USP42: variants seen among roughly 807,000 people sequenced by gnomAD.
USP42 encodes ubiquitin carboxyl-terminal hydrolase 42.
USP42 carries 23 observed loss-of-function variants against 113.0 expected under a neutral mutation model. The ratio of observed to expected loss-of-function variants is 0.20; its 90% CI spans 0.15 to 0.29. USP42 has a LOEUF of 0.29. Ranked by LOEUF, USP42 falls within the 10% of genes least tolerant of loss-of-function variation. USP42 has a pLI of 1.00. For missense variants in USP42, 2,174 were observed against 1,779.8 expected (o/e 1.22, Z -3.99); for synonymous variants, 933 against 699.0 (o/e 1.33, Z -5.28).
At chr7:6,133,890 T>C (rs1483356675) in intron 3 of USP42, among the ~76,000 whole-genome samples, 1 of 137,708 alleles carries the variant, frequency 7.3e-6, no homozygotes, top group Non-Finnish European at 1.5e-5. Context: ...TGTTTCTTCT[T>C]CTTTTTTTTT....
At chr7:6,145,330 CA>C (rs61495758) in intron 9 of USP42, among the ~76,000 whole-genome samples, 185 bp from the exon 10 acceptor site, 9,589 of 131,712 alleles carry the variant, frequency 0.073, 696 homozygotes, top group East Asian at 0.44. Flanking sequence ...CACGCCATCT[CA>C]AAAAAAAAAA....
At chr7:6,117,554 A>G (rs1779979678) in intron 3 of USP42, among the ~76,000 whole-genome samples, 2 of 152,210 alleles carry the variant, frequency 1.3e-5, no homozygotes, top group African/African-American at 2.4e-5. Context: ...TCTTAGGTAA[A>G]TATCTAGGAG....
intron 2 of USP42, among the ~76,000 whole-genome samples, chr7:6,112,732 AT>A (rs986082145): frequency 8.2e-4 from 124 of 151,186 alleles, no homozygotes; most frequent in Non-Finnish European, 1.6e-3. Context: ...TTTTTTTGAG[AT>A]TTTTTTTTAA....
At chr7:6,124,426 C>T (rs529222754) in intron 3 of USP42, among the ~76,000 whole-genome samples, 5 of 151,864 alleles carry the variant, frequency 3.3e-5, no homozygotes, top group African/African-American at 7.2e-5. Flanking sequence ...CCACCACACC[C>T]GGCTAATTTT....
chr7:6,106,703 T>C (rs1779299703), intron 1 of USP42, among the ~76,000 whole-genome samples: 1 of 151,820 alleles, frequency 6.6e-6, no homozygotes, highest in African/African-American at 2.4e-5. Context: ...TAGGTAGGAC[T>C]ACAGGCACAT....
chr7:6,161,499 C>T lies in USP42; in HGVS notation c.*981C>T, dbSNP rs1465028335. The T allele has an allele frequency of 6.6e-6, 1 of 152,552 alleles. No individual in the cohort carries two copies. The highest frequency in any genetic ancestry group is 1.5e-5 in the Non-Finnish European group (1 of 68,022). The allele number at this position is 152,552 out of a possible 1,614,324, so 9.4% of individuals were successfully genotyped here. ...TTTGTTTTTCTAAAGATTAAAAAAG[C>T]ACTTGCCCCACTGTAAATATACAGC... On this transcript the variant is annotated 3_prime_UTR_variant, in exon 18 of 18. Transcript: ENST00000306177.
At chr7:6,112,536 A>C (rs1245183774) in intron 2 of USP42, among the ~76,000 whole-genome samples, 12 of 152,020 alleles carry the variant, frequency 7.9e-5, no homozygotes, top group Admixed American at 6.6e-4. Flanking sequence ...ATTCGTTAAA[A>C]CTCATCCAGA....
chr7:6,138,615 T>C (rs751372333), intron 4 of USP42, among the ~76,000 whole-genome samples: 18 of 152,210 alleles, frequency 1.2e-4, no homozygotes, highest in Non-Finnish European at 2.4e-4. Context: ...GGCCGTAGAC[T>C]GGTACCCAAT....
Position 6,139,389 on chromosome 7 carries a change from C to G in USP42, c.656+195C>G, listed in dbSNP as rs759259161. The G allele has an allele frequency of 8.6e-6, 4 of 463,200 alleles. No individual in the cohort carries two copies. Among genetic ancestry groups the G allele is most frequent in the Non-Finnish European group, 1.5e-5 (4 of 264,694 alleles). 28.7% of individuals were successfully genotyped at this position (463,200 alleles called of 1,614,324 possible). A position where few individuals can be genotyped will look rare whatever the true frequency, so the allele number is the denominator to read the frequency against. On this transcript the variant is annotated intron_variant, in intron 5 of 17. Coordinates refer to ENST00000306177, the MANE Select transcript of USP42 (RefSeq NM_032172.3). This position sits in a 1 kb window ranked among gnomAD's most constrained non-coding sequence, Gnocchi z 4.5. ...GGTTGAAATTTACACGTGTGTCTTA[C>G]GTAACAGTTTGAGTTGGCTCAATCA...
At chr7:6,148,096 G>A (rs1416124698) in intron 12 of USP42, among the ~76,000 whole-genome samples, 1 of 152,148 alleles carries the variant, frequency 6.6e-6, no homozygotes, top group Non-Finnish European at 1.5e-5. Flanking sequence ...CCAGCACTTT[G>A]GGAGGCCGAG....
At chr7:6,083,320 A>C in the USP42 span, among the ~76,000 whole-genome samples, 2 of 143,820 alleles carry the variant, frequency 1.4e-5, no homozygotes, top group African/African-American at 2.7e-5. Flanking sequence ...CAGTGGTGCT[A>C]TCTTGGCTCA....
In USP42 at chr7:6,118,423, G is replaced by A. The variant is rs139196757; in HGVS notation, c.442+2900G>A. ...TATAGTCCCAGCTACTTGGGAGACT[G>A]AGGTGGGAGGATCACATGAGCCCAG... On this transcript the variant is annotated intron_variant, in intron 3 of 17. Coordinates refer to ENST00000306177, the MANE Select transcript of USP42 (RefSeq NM_032172.3). 2.2e-3 allele frequency among the ~76,000 whole-genome samples: 339 copies of A among 152,232 alleles called. 6 individuals are homozygous for A. Among genetic ancestry groups the A allele is most frequent in the African/African-American group, 7.7e-3 (320 of 41,556 alleles).
At position 6,160,943 on chromosome 7, in the gene USP42, T is replaced by TA. The variant is rs1449533829; in HGVS notation, c.*427dup. Reference sequence around the variant, plus strand: ...AGTACAAACTGACAGTGTGTATATTTAATTTAAAGACTTATTTAAAAACTC... The same window carrying TA: ...AGTACAAACTGACAGTGTGTATATTTAAATTTAAAGACTTATTTAAAAACTC... On this transcript the variant is annotated 3_prime_UTR_variant, in exon 18 of 18. Transcript: ENST00000306177. The TA allele has an allele frequency of 6.6e-6, 1 of 152,648 alleles. No individual in the cohort carries two copies. Among genetic ancestry groups the TA allele is most frequent in the Non-Finnish European group, 1.5e-5 (1 of 68,044 alleles). The allele number at this position is 152,648 out of a possible 1,614,324, so 9.5% of individuals were successfully genotyped here. A position where few individuals can be genotyped will look rare whatever the true frequency, so the allele number is the denominator to read the frequency against.
At position 6,139,481 on chromosome 7, in the gene USP42, G is replaced by T; in HGVS notation, c.656+287G>T. ...TTCTCATTATCAGCAGACGTCTGCAGATCTCAAACTAGCTGCTTCTCCTTT... is the reference window on the plus strand; with the variant it reads ...TTCTCATTATCAGCAGACGTCTGCATATCTCAAACTAGCTGCTTCTCCTTT... On this transcript the variant is annotated intron_variant, in intron 5 of 17. Coordinates refer to ENST00000306177, the MANE Select transcript of USP42 (RefSeq NM_032172.3). This position sits in a 1 kb window ranked among gnomAD's most constrained non-coding sequence, Gnocchi z 4.5. 1 of 276,100 alleles carries T rather than the reference G, an allele frequency of 3.6e-6. No homozygotes were observed. The highest frequency in any genetic ancestry group is 8.0e-5 in the East Asian group (1 of 12,576). The allele number at this position is 276,100 out of a possible 1,614,324, so 17.1% of individuals were successfully genotyped here.
intron 11 of USP42, 54 bp from the exon 12 acceptor site, chr7:6,147,683 ATC>A: frequency 6.7e-7 from 1 of 1,489,332 alleles, no homozygotes; most frequent in Non-Finnish European, 9.0e-7. Context: ...TTGTAAATGA[ATC>A]TCTCCTAAGG....
intron 3 of USP42, among the ~76,000 whole-genome samples, chr7:6,130,758 G>A (rs1439505974): frequency 6.6e-6 from 1 of 152,132 alleles, no homozygotes; most frequent in Non-Finnish European, 1.5e-5. Context: ...CTCAGGGGCA[G>A]CCACAAGAGG....
At chr7:6,128,500 C>T (rs1780663480) in intron 3 of USP42, among the ~76,000 whole-genome samples, 1 of 152,068 alleles carries the variant, frequency 6.6e-6, no homozygotes, top group African/African-American at 2.4e-5. Context: ...TTTCAGCCTG[C>T]CTGTGTCATT....
At chr7:6,110,351 A>G (rs1010082540) in intron 1 of USP42, among the ~76,000 whole-genome samples, 1 of 152,158 alleles carries the variant, frequency 6.6e-6, no homozygotes, top group Non-Finnish European at 1.5e-5. Flanking sequence ...GTTCTTTATA[A>G]AAATTAAGTT....
chr7:6,153,583 T>A (rs954366087), intron 14 of USP42, among the ~76,000 whole-genome samples, 173 bp from the exon 15 acceptor site: 3 of 152,168 alleles, frequency 2.0e-5, no homozygotes, highest in Non-Finnish European at 2.9e-5. Flanking sequence ...CGTATACATA[T>A]GTAACTAACC....
Sources: gnomAD v4.1 joint callset for allele counts (sites outside exome capture counted in the v4.1 genomes callset) on GRCh38, gnomAD v4.1.1 for gene constraint, Gnocchi (gnomAD v3.1) non-coding constraint, MANE v1.5 for transcripts, NCBI Gene and HGNC (gene_info 2026-07-23, HGNC 2026-07-21) for gene names.